The following PUM2 variants were observed in gnomAD, a reference collection of about 807,000 sequenced individuals.
PUM2 encodes pumilio RNA binding family member 2.
A neutral mutation model predicts 124.5 loss-of-function variants in PUM2; 57 were observed. That is an observed-to-expected ratio of 0.46 (90% confidence interval 0.37 to 0.57). The LOEUF is 0.57. PUM2 is among the 20% of genes least tolerant of loss of function. The probability of loss-of-function intolerance (pLI) is 0.00; values close to 1 mark genes in which losing one functional copy is unlikely to be tolerated. For synonymous variants in PUM2, 460 were observed against 446.1 expected (o/e 1.03, Z -0.39); for missense variants, 1,065 against 1,290.6 (o/e 0.83, Z 2.68).
At chr2:20,265,528 G>C (rs1046076142) in intron 13 of PUM2, among the ~76,000 whole-genome samples, 1 of 152,110 alleles carries the variant, frequency 6.6e-6, no homozygotes, top group Non-Finnish European at 1.5e-5. Context: ...ACAGCCACTG[G>C]GTTTTCTCTA....
At chr2:20,307,589 G>C (rs889319711) in intron 7 of PUM2, among the ~76,000 whole-genome samples, 4 of 152,080 alleles carry the variant, frequency 2.6e-5, no homozygotes, top group Non-Finnish European at 5.9e-5. Context: ...TACCAAGCTT[G>C]AATTCTAGCA....
At chr2:20,299,581 T>C (rs963675918) in intron 7 of PUM2, among the ~76,000 whole-genome samples, 5 of 152,036 alleles carry the variant, frequency 3.3e-5, no homozygotes, top group African/African-American at 7.2e-5. Context: ...GGCATGAGAA[T>C]TGCTTGAACC....
At chr2:20,321,207 A>G (rs1320880112) in intron 2 of PUM2, among the ~76,000 whole-genome samples, 1 of 152,182 alleles carries the variant, frequency 6.6e-6, no homozygotes, top group African/African-American at 2.4e-5. Context: ...AAATTGCTTG[A>G]ATCTGGGAGG....
Position 20,350,836 on chromosome 2 carries a change from C to A in PUM2, c.-258G>T, listed in dbSNP as rs1689243624. The A allele has an allele frequency of 1.0e-6, 1 of 969,128 alleles. No homozygotes were observed. Among genetic ancestry groups the A allele is most frequent in the Non-Finnish European group, 1.2e-6 (1 of 815,454 alleles). The allele number at this position is 969,128 out of a possible 1,614,324, so 60.0% of individuals were successfully genotyped here. ...ACAACATGGCTGCCACCGCCGCCTG[C>A]CCTCCCCTCCCCCCCGCCCACCGGG... is the stretch of plus-strand genomic sequence containing the variant. On this transcript the variant is annotated 5_prime_UTR_variant, in exon 1 of 21. Transcript: ENST00000361078.
chr2:20,253,892 T>C lies in PUM2; in HGVS notation c.2993A>G (p.Tyr998Cys), dbSNP rs765019609. ...SALYTMMKDQYANYVVQKMID... is the reference protein window; with the variant it reads ...SALYTMMKDQCANYVVQKMID... The stretch of plus-strand genomic sequence containing the variant: ...CATCTTTTGAACCACGTAATTGGCA[T>C]ACTGGTCCTTCATCATGGTGTATAA... The change falls in exon 20 of 21, where the codon TAT becomes TGT. Residue 998 changes from tyrosine to cysteine, a missense_variant. Around this residue, in one of 3 missense-constraint regions of PUM2, gnomAD observed 968 missense variants for 1,159.8 expected, o/e 0.83. Coordinates refer to ENST00000361078, the MANE Select transcript of PUM2 (RefSeq NM_015317.5). 1 of 1,614,070 alleles carries C rather than the reference T, an allele frequency of 6.2e-7. No homozygotes were observed.
At chr2:20,331,101 C>T (rs1033778092) in intron 1 of PUM2, among the ~76,000 whole-genome samples, 2 of 149,716 alleles carry the variant, frequency 1.3e-5, no homozygotes, top group African/African-American at 4.9e-5. Context: ...CACACAGAAA[C>T]GTGGTTTGGT....
At position 20,307,971 on chromosome 2, in the gene PUM2, G is replaced by A; in HGVS notation, c.883+7C>T. 1 of 1,610,916 alleles carries A rather than the reference G, an allele frequency of 6.2e-7. No homozygotes were observed. The highest frequency in any genetic ancestry group is 8.5e-7 in the Non-Finnish European group (1 of 1,177,698). ...TTTGGTCAAAATGAGAACGTATGAA[G>A]ACTCACCTATATGTGGCTGCTGAGC... On this transcript the variant is annotated splice_region_variant and intron_variant, in intron 7 of 20. Coordinates refer to ENST00000361078, the MANE Select transcript of PUM2 (RefSeq NM_015317.5).
At chr2:20,271,380 G>A (rs1222022148) in intron 13 of PUM2, among the ~76,000 whole-genome samples, 2 of 152,020 alleles carry the variant, frequency 1.3e-5, no homozygotes, top group Non-Finnish European at 1.5e-5. Context: ...GTGGCATAAC[G>A]TCGGCTTACT....
At chr2:20,300,260 C>A (rs941225079) in intron 7 of PUM2, among the ~76,000 whole-genome samples, 11 of 152,186 alleles carry the variant, frequency 7.2e-5, no homozygotes, top group Non-Finnish European at 1.5e-5. Context: ...AGTGATTCTC[C>A]TGCCTCAGCC....
At chr2:20,278,865 G>A (rs1291341206) in intron 12 of PUM2, 46 bp from the exon 13 acceptor site, 6 of 1,402,976 alleles carry the variant, frequency 4.3e-6, no homozygotes, top group Non-Finnish European at 6.0e-6. Context: ...AGTGTTAACT[G>A]AATAAAATCT....
intron 12 of PUM2, among the ~76,000 whole-genome samples, chr2:20,280,974 G>A (rs1671374346): frequency 6.6e-6 from 1 of 152,130 alleles, no homozygotes. Flanking sequence ...TCATCATAGA[G>A]GTAAGAGAAG....
intron 1 of PUM2, among the ~76,000 whole-genome samples, chr2:20,330,662 T>C (rs1684723166): frequency 6.6e-6 from 1 of 152,248 alleles, no homozygotes; most frequent in Non-Finnish European, 1.5e-5. Context: ...ATATCCTTTA[T>C]AATAAATGGG....
chr2:20,316,096 G>A (rs977020945), intron 3 of PUM2, among the ~76,000 whole-genome samples: 2 of 151,994 alleles, frequency 1.3e-5, no homozygotes, highest in Non-Finnish European at 2.9e-5. Flanking sequence ...AAAATTCCTT[G>A]AGGACAAGGG....
chr2:20,258,052 T>G (rs916882393), intron 16 of PUM2, among the ~76,000 whole-genome samples, 191 bp downstream of exon 16: 1 of 152,202 alleles, frequency 6.6e-6, no homozygotes, highest in East Asian at 1.9e-4. Flanking sequence ...CTAAAATATC[T>G]TCATTTAGAA....
Position 20,297,544 on chromosome 2 carries a change from G to C in PUM2, c.1009+9C>G. The C allele has an allele frequency of 1.3e-6, 2 of 1,588,264 alleles. No homozygotes were observed. Among genetic ancestry groups the C allele is most frequent in the Non-Finnish European group, 1.7e-6 (2 of 1,165,628 alleles). ...CAACCATAATAAAGATGAACAAATAGTATGTTACCTGCTAATGTAGCTGCT... is the reference window on the plus strand; with the variant it reads ...CAACCATAATAAAGATGAACAAATACTATGTTACCTGCTAATGTAGCTGCT... On this transcript the variant is annotated intron_variant, in intron 8 of 20. Coordinates refer to ENST00000361078, the MANE Select transcript of PUM2 (RefSeq NM_015317.5).
chr2:20,313,663 C>A (rs1451412064), intron 3 of PUM2, among the ~76,000 whole-genome samples: 1 of 151,734 alleles, frequency 6.6e-6, no homozygotes, highest in African/African-American at 2.4e-5. Flanking sequence ...GTTCCCATCT[C>A]TACAAAAAGT....
At chr2:20,336,176 C>A (rs763208826) in intron 1 of PUM2, among the ~76,000 whole-genome samples, 1 of 150,014 alleles carries the variant, frequency 6.7e-6, no homozygotes, top group African/African-American at 2.5e-5. Context: ...ACACAAAAAG[C>A]GTTTTTTTGT....
intron 1 of PUM2, among the ~76,000 whole-genome samples, chr2:20,335,703 AAAAGT>A (rs1685854494): frequency 6.6e-6 from 1 of 152,240 alleles, no homozygotes; most frequent in Non-Finnish European, 1.5e-5. Flanking sequence ...TATAATAAGG[AAAAGT>A]AAAGTTTTAT....
At chr2:20,346,700 T>TA (rs1006522039) in intron 1 of PUM2, among the ~76,000 whole-genome samples, 1 of 152,082 alleles carries the variant, frequency 6.6e-6, no homozygotes, top group Non-Finnish European at 1.5e-5. Flanking sequence ...TCCCCAGAAC[T>TA]AAAAAAATGT....
Sources: allele counts gnomAD v4.1 joint callset (sites outside exome capture counted in the v4.1 genomes callset), GRCh38; gene constraint gnomAD v4.1.1; regional missense constraint gnomAD v4.1.1; transcripts MANE v1.5; gene names NCBI Gene and HGNC (gene_info 2026-07-23, HGNC 2026-07-21).